Variants in GALNT13 observed in about 807,000 individuals in gnomAD.
GALNT13 encodes polypeptide N-acetylgalactosaminyltransferase 13.
A neutral mutation model predicts 64.2 loss-of-function variants in GALNT13; 28 were observed. The ratio of observed to expected loss-of-function variants is 0.44; its 90% CI spans 0.32 to 0.60. The LOEUF (loss-of-function observed/expected upper bound fraction) is 0.60, where lower values mean the gene tolerates loss of function less well. Ranked by LOEUF, GALNT13 falls within the 20% of genes least tolerant of loss-of-function variation. The pLI, the probability that GALNT13 is intolerant of heterozygous loss-of-function variation, is 0.05. For synonymous variants in GALNT13, 214 were observed against 224.6 expected, an observed-to-expected ratio of 0.95 and a Z score of 0.42; for missense variants, 577 against 669.8, an observed-to-expected ratio of 0.86 and a Z score of 1.53.
chr2:153,880,762 T>C (rs1686726868), intron 1 of GALNT13, among the ~76,000 whole-genome samples: 1 of 152,174 alleles, frequency 6.6e-6, no homozygotes, highest in African/African-American at 2.4e-5. Context: ...AGCATACCTT[T>C]TGATTTTTTT....
At chr2:153,120,532 T>C in the GALNT13 span, among the ~76,000 whole-genome samples, 1 of 152,176 alleles carries the variant, frequency 6.6e-6, no homozygotes, top group Admixed American at 6.5e-5. Context: ...ACTTTTAATA[T>C]TGTTGGATTC....
the GALNT13 span, among the ~76,000 whole-genome samples, chr2:153,113,618 C>G: frequency 1.3e-5 from 2 of 151,954 alleles, no homozygotes; most frequent in Non-Finnish European, 2.9e-5. Context: ...TTGTTGTAGT[C>G]TTTGTAAGTC....
At chr2:154,295,054 G>A (rs1692838127) in intron 8 of GALNT13, among the ~76,000 whole-genome samples, 1 of 152,130 alleles carries the variant, frequency 6.6e-6, no homozygotes, top group Non-Finnish European at 1.5e-5. Flanking sequence ...CCTATGGGAG[G>A]ACCAAGAAGC....
chr2:154,235,985 T>C, intron 4 of GALNT13: 1 of 869,930 alleles, frequency 1.1e-6, no homozygotes, highest in Non-Finnish European at 1.6e-6. Context: ...TGATTCTGCC[T>C]CCATATTCTT....
At chr2:153,354,867 C>G in the GALNT13 span, among the ~76,000 whole-genome samples, 2 of 152,172 alleles carry the variant, frequency 1.3e-5, no homozygotes, top group Admixed American at 6.5e-5. Context: ...AGGTTGTTAT[C>G]CTAACGCATT....
At chr2:153,789,559 C>T in the GALNT13 span, among the ~76,000 whole-genome samples, 3 of 152,170 alleles carry the variant, frequency 2.0e-5, no homozygotes, top group East Asian at 5.8e-4. Flanking sequence ...AAACCAACTC[C>T]AAAGCTAACA....
the GALNT13 span, among the ~76,000 whole-genome samples, chr2:153,308,438 C>A: frequency 6.6e-6 from 1 of 152,100 alleles, no homozygotes. Flanking sequence ...AAGTCTGTAT[C>A]GACAGAACCA....
the GALNT13 span, among the ~76,000 whole-genome samples, chr2:153,554,084 A>C: frequency 6.6e-6 from 1 of 151,860 alleles, no homozygotes; most frequent in East Asian, 1.9e-4. Flanking sequence ...TGGGAGGCCA[A>C]GGTGGGCGGA....
chr2:153,370,334 G>C, the GALNT13 span, among the ~76,000 whole-genome samples: 2 of 152,138 alleles, frequency 1.3e-5, no homozygotes, highest in African/African-American at 4.8e-5. Context: ...GACCAGCACT[G>C]TCCTAATATT....
At chr2:154,359,261 A>G (rs1264959286) in intron 9 of GALNT13, among the ~76,000 whole-genome samples, 2 of 152,106 alleles carry the variant, frequency 1.3e-5, no homozygotes, top group African/African-American at 4.8e-5. Context: ...CATCAGCGGG[A>G]CAAGTCCCAG....
chr2:154,171,991 CACA>C (rs1169965839), intron 4 of GALNT13, among the ~76,000 whole-genome samples: 2 of 151,526 alleles, frequency 1.3e-5, no homozygotes, highest in African/African-American at 2.4e-5. Context: ...CACACACACA[CACA>C]CACACACACA....
intron 3 of GALNT13, among the ~76,000 whole-genome samples, chr2:154,105,303 T>G (rs1574507371): frequency 6.6e-6 from 1 of 152,204 alleles, no homozygotes; most frequent in African/African-American, 2.4e-5. Flanking sequence ...AAAATAGTCA[T>G]GTACCACATA....
intron 3 of GALNT13, among the ~76,000 whole-genome samples, chr2:154,123,001 T>C (rs1415939611): frequency 1.3e-5 from 2 of 152,018 alleles, no homozygotes; most frequent in Non-Finnish European, 2.9e-5. Context: ...ACAGCAACTT[T>C]CTCAATGCTA....
chr2:154,043,812 G>T (rs1863086), intron 3 of GALNT13, among the ~76,000 whole-genome samples: 79,054 of 151,918 alleles, frequency 0.52, 21,755 homozygotes, highest in East Asian at 0.95. Flanking sequence ...CTGAGTAAGA[G>T]CTAGGCTTGG....
intron 10 of GALNT13, among the ~76,000 whole-genome samples, chr2:154,408,123 A>G (rs929876219): frequency 2.0e-5 from 3 of 152,102 alleles, no homozygotes; most frequent in Non-Finnish European, 4.4e-5. Flanking sequence ...TGGGGTTGAG[A>G]CTAAGTAAAA....
At chr2:153,678,217 G>T in the GALNT13 span, among the ~76,000 whole-genome samples, 4 of 149,930 alleles carry the variant, frequency 2.7e-5, no homozygotes, top group African/African-American at 7.4e-5. Context: ...TGCCATAAAG[G>T]CACATGCACA....
At chr2:153,774,115 GT>G in the GALNT13 span, among the ~76,000 whole-genome samples, 1,874 of 152,120 alleles carry the variant, frequency 0.012, 34 homozygotes, top group African/African-American at 0.042. Context: ...ACATATTCAT[GT>G]TTTTATATTA....
chr2:153,780,857 A>G, the GALNT13 span, among the ~76,000 whole-genome samples: 1 of 152,182 alleles, frequency 6.6e-6, no homozygotes, highest in African/African-American at 2.4e-5. Context: ...GGATACAGTG[A>G]TGGCTAAGAG....
the GALNT13 span, among the ~76,000 whole-genome samples, chr2:153,768,979 C>T: frequency 1.3e-5 from 2 of 152,120 alleles, no homozygotes; most frequent in Admixed American, 1.3e-4. Context: ...TACTTTGAAT[C>T]TGTAGCTGTC....
Sources: gnomAD v4.1 joint callset for allele counts (sites outside exome capture counted in the v4.1 genomes callset) on GRCh38, gnomAD v4.1.1 for gene constraint, MANE v1.5 for transcripts, NCBI Gene and HGNC (gene_info 2026-07-23, HGNC 2026-07-21) for gene names.